Variants in DERA observed in about 807,000 individuals in gnomAD.
DERA encodes 2-deoxy-D-ribose 5-phosphate aldolase.
A neutral mutation model predicts 41.1 loss-of-function variants in DERA; 15 were observed. The ratio of observed to expected loss-of-function variants is 0.37; its 90% CI spans 0.24 to 0.56. The LOEUF is 0.56. DERA is among the 20% of genes least tolerant of loss of function. The pLI is 0.81. For synonymous variants in DERA, 139 were observed against 137.4 expected (o/e 1.01, Z -0.08); for missense variants, 396 against 403.4 (o/e 0.98, Z 0.16).
At position 15,989,915 on chromosome 12, in the gene DERA, A is replaced by C. The variant is rs57467406; in HGVS notation, c.637+7479A>C. 6.6e-6 allele frequency among the ~76,000 whole-genome samples: 1 copy of C among 152,240 alleles called. No individual in the cohort carries two copies. Among genetic ancestry groups the C allele is most frequent in the East Asian group, 1.9e-4 (1 of 5,184 alleles). ...TTTAATCTTGTTTAGAAATCTTTCA[A>C]AATGTTTTAGAGCAAGGAACACAGT... is the stretch of plus-strand genomic sequence containing the variant. On this transcript the variant is annotated intron_variant, in intron 6 of 8. Transcript: ENST00000428559. The surrounding 1 kb of genome is among the most constrained non-coding windows in gnomAD (Gnocchi z 5.2).
rs953602408 is a variant in DERA at position 16,009,224 on chromosome 12, G to C, written c.638-23318G>C. 1.3e-5 allele frequency among the ~76,000 whole-genome samples: 2 copies of C among 152,160 alleles called. No homozygotes were observed. Among genetic ancestry groups the C allele is most frequent in the African/African-American group, 4.8e-5 (2 of 41,438 alleles). ...TCAATCAGAATGAACTAGAATCTAA[G>C]ATGCTTTTGGGTGAGTAGCAGAAGA... is the stretch of plus-strand genomic sequence containing the variant. On this transcript the variant is annotated intron_variant, in intron 6 of 8. Transcript: ENST00000428559. The surrounding 1 kb of genome is among the most constrained non-coding windows in gnomAD (Gnocchi z 5.3).
In DERA at chr12:15,911,580, G is replaced by A; in HGVS notation, c.31+166G>A. On this transcript the variant is annotated intron_variant, in intron 1 of 8. Transcript: ENST00000428559. The surrounding 1 kb of genome is among the most constrained non-coding windows in gnomAD (Gnocchi z 4.5). The stretch of plus-strand genomic sequence containing the variant: ...TCAGCCCTCACCCCAAGTAAAGGCC[G>A]AACCCGGCACGTTCGCGCCGCTTGT... 1 of 747,446 alleles carries A rather than the reference G, an allele frequency of 1.3e-6. No homozygotes were observed. 46.3% of individuals were successfully genotyped at this position (747,446 alleles called of 1,614,324 possible).
rs539857605 is a variant in DERA, at chr12:15,920,821, C to T, written c.31+9407C>T. On this transcript the variant is annotated intron_variant, in intron 1 of 8. Transcript: ENST00000428559. Reference sequence around the variant, plus strand: ...CTACACTCCATCCTGGTGATACATCCGGAGCGAGACTCCGTCTCAAAAATA... The same window carrying T: ...CTACACTCCATCCTGGTGATACATCTGGAGCGAGACTCCGTCTCAAAAATA... Among the ~76,000 whole-genome samples, 27 of 152,232 alleles carry T rather than the reference C, an allele frequency of 1.8e-4. No individual in the cohort carries two copies. In the South Asian group the frequency reaches 4.8e-3, roughly 27 times the overall value.
chr12:15,929,342 G>A (rs11056724), intron 1 of DERA, among the ~76,000 whole-genome samples: 9 of 152,234 alleles, frequency 5.9e-5, no homozygotes, highest in East Asian at 1.9e-4. Flanking sequence ...AGCAGGTGCC[G>A]TGGGAAGCAG....
At chr12:16,025,701 A>G (rs1286868916) in intron 6 of DERA, among the ~76,000 whole-genome samples, 2 of 152,156 alleles carry the variant, frequency 1.3e-5, no homozygotes, top group Non-Finnish European at 2.9e-5. Flanking sequence ...GTCATTCAAT[A>G]TGATCAAATT....
At chr12:16,015,767 A>T (rs1461142055) in intron 6 of DERA, among the ~76,000 whole-genome samples, 1 of 152,232 alleles carries the variant, frequency 6.6e-6, no homozygotes, top group Non-Finnish European at 1.5e-5. Flanking sequence ...TCCAGAGAAG[A>T]TGAGGAACAA....
rs1948874320 is a variant in DERA at position 16,001,438 on chromosome 12, A to G, written c.637+19002A>G. Among the ~76,000 whole-genome samples, 1 of 152,168 alleles carries G rather than the reference A, an allele frequency of 6.6e-6. No individual in the cohort carries two copies. The highest frequency in any genetic ancestry group is 2.4e-5 in the African/African-American group (1 of 41,432). On this transcript the variant is annotated intron_variant, in intron 6 of 8. Transcript: ENST00000428559. This position sits in a 1 kb window ranked among gnomAD's most constrained non-coding sequence, Gnocchi z 4.1. ...AAAAGTTCAGTGTTTTATTCGAGAC[A>G]ATTGACTCAGAGAAAAGAACAACTC...
At position 15,924,502 on chromosome 12, in the gene DERA, G is replaced by A. The variant is rs1948268043; in HGVS notation, c.31+13088G>A. Among the ~76,000 whole-genome samples the A allele has an allele frequency of 6.6e-6, 1 of 152,190 alleles. No homozygotes were observed. Among genetic ancestry groups the A allele is most frequent in the South Asian group, 2.1e-4 (1 of 4,832 alleles). ...TATTCTAGAAATAACTTGGGTTTTT[G>A]AATTATAGAGATCTGTGTTTCCATC... On this transcript the variant is annotated intron_variant, in intron 1 of 8. Transcript: ENST00000428559. The surrounding 1 kb of genome is among the most constrained non-coding windows in gnomAD (Gnocchi z 5.0).
rs1304943801 is a variant in DERA at position 15,984,356 on chromosome 12, C to T, written c.637+1920C>T. ...TCCCACCCTCCACCCATCCTGTCCA[C>T]AGAAAAAAATGTGATTATAAACATG... On this transcript the variant is annotated intron_variant, in intron 6 of 8. Transcript: ENST00000428559. This position sits in a 1 kb window ranked among gnomAD's most constrained non-coding sequence, Gnocchi z 4.5. 6.6e-6 allele frequency among the ~76,000 whole-genome samples: 1 copy of T among 152,090 alleles called. No individual in the cohort carries two copies. Among genetic ancestry groups the T allele is most frequent in the Non-Finnish European group, 1.5e-5 (1 of 68,016 alleles).
In DERA at chr12:16,036,080, A is replaced by T. The variant is rs145933440; in HGVS notation, c.751-152A>T. On this transcript the variant is annotated intron_variant, in intron 7 of 8. Coordinates refer to ENST00000428559, the MANE Select transcript of DERA (RefSeq NM_015954.4). The surrounding 1 kb of genome is among the most constrained non-coding windows in gnomAD (Gnocchi z 4.9). ...TTTGTAGTGTGAATGAGCATGAGTC[A>T]CTGATCTAAGCCCTTTCACTGGATG... Among the ~76,000 whole-genome samples, 4 of 152,326 alleles carry T rather than the reference A, an allele frequency of 2.6e-5. No homozygotes were observed. The East Asian group carries it at 7.7e-4, about 29-fold the overall frequency.
Position 16,032,653 on chromosome 12 carries a change from A to T in DERA, c.749A>T (p.Lys250Met), listed in dbSNP as rs1201683482. 5 of 1,531,048 alleles carry T rather than the reference A, an allele frequency of 3.3e-6. No individual in the cohort carries two copies. Among genetic ancestry groups the T allele is most frequent in the Non-Finnish European group, 4.4e-6 (5 of 1,125,952 alleles). 94.8% of individuals were successfully genotyped at this position (1,531,048 alleles called of 1,614,324 possible). The change falls in exon 7 of 9, where the codon AAG (lysine) becomes ATG (methionine). Residue 250 changes from lysine to methionine, a missense_variant and splice_region_variant. Physicochemically the swap from Lys to Met is moderately conservative, Grantham distance 95 (BLOSUM62 -1). Transcript: ENST00000428559. The part of the protein sequence containing the change: ...IRDFFWKTGN[K>M]IGFKPAGGIR... Reference sequence around the variant, plus strand: ...GATTTCTTCTGGAAAACTGGAAACAAGGTATATTATTGCCAGCAAATCTTT... The same window carrying T: ...GATTTCTTCTGGAAAACTGGAAACATGGTATATTATTGCCAGCAAATCTTT...
rs1349064706 is a variant in DERA at position 15,972,882 on chromosome 12, T to C, written c.509-9426T>C. ...AAATGCTATCGATGCAAGTTCCTGC[T>C]GGCGTGCGGGGACAGCATTGCAGAA... On this transcript the variant is annotated intron_variant, in intron 5 of 8. Coordinates refer to ENST00000428559, the MANE Select transcript of DERA (RefSeq NM_015954.4). The surrounding 1 kb of genome is among the most constrained non-coding windows in gnomAD (Gnocchi z 4.4). 2.0e-5 allele frequency among the ~76,000 whole-genome samples: 3 copies of C among 152,216 alleles called. No individual in the cohort carries two copies. The highest frequency in any genetic ancestry group is 2.0e-4 in the Admixed American group (3 of 15,286).
Position 15,952,255 on chromosome 12 carries a change from A to G in DERA, c.32-4681A>G, listed in dbSNP as rs138292096. Among the ~76,000 whole-genome samples, 545 of 152,258 alleles carry G rather than the reference A, an allele frequency of 3.6e-3. 3 individuals are homozygous for G. Among genetic ancestry groups the G allele is most frequent in the African/African-American group, 0.012 (519 of 41,528 alleles). ...ATTCTGTTTTTTGGATTTGCTATAT[A>G]TTATTGAACTGGACATGGATCTTGG... On this transcript the variant is annotated intron_variant, in intron 1 of 8. Coordinates refer to ENST00000428559, the MANE Select transcript of DERA (RefSeq NM_015954.4).
chr12:16,027,254 A>G (rs938362341), intron 6 of DERA, among the ~76,000 whole-genome samples: 5 of 152,238 alleles, frequency 3.3e-5, no homozygotes, highest in Admixed American at 6.5e-5. Flanking sequence ...ATTCTCTCTT[A>G]CCACTGCTAT....
Position 16,009,718 on chromosome 12 carries a change from G to T in DERA, c.638-22824G>T, listed in dbSNP as rs189268926. Among the ~76,000 whole-genome samples, 40 of 152,096 alleles carry T rather than the reference G, an allele frequency of 2.6e-4. No homozygotes were observed. The highest frequency in any genetic ancestry group is 9.2e-4 in the African/African-American group (38 of 41,486). ...GATTTTGACATTTAATAACCTTCCTGAAATACATGGGAGAAATTATATCTA... is the reference window on the plus strand; with the variant it reads ...GATTTTGACATTTAATAACCTTCCTTAAATACATGGGAGAAATTATATCTA... On this transcript the variant is annotated intron_variant, in intron 6 of 8. Coordinates refer to ENST00000428559, the MANE Select transcript of DERA (RefSeq NM_015954.4). This position sits in a 1 kb window ranked among gnomAD's most constrained non-coding sequence, Gnocchi z 5.3.
intron 3 of DERA, 22 bp downstream of exon 3, chr12:15,958,357 T>G: frequency 6.3e-7 from 1 of 1,580,516 alleles, no homozygotes; most frequent in Non-Finnish European, 8.6e-7. Flanking sequence ...GTGTGTGATC[T>G]ATGTGGTGTT....
chr12:15,996,568 G>C lies in DERA; in HGVS notation c.637+14132G>C, dbSNP rs963093630. 2.0e-5 allele frequency among the ~76,000 whole-genome samples: 3 copies of C among 152,028 alleles called. No homozygotes were observed. The highest frequency in any genetic ancestry group is 6.5e-5 in the Admixed American group (1 of 15,268). ...CTTATAAGGAAACCAGTAATGTAAT[G>C]GCCCACCTTACTCAGTATGACCTTA... On this transcript the variant is annotated intron_variant, in intron 6 of 8. Transcript: ENST00000428559. This position sits in a 1 kb window ranked among gnomAD's most constrained non-coding sequence, Gnocchi z 4.7.
At position 16,001,506 on chromosome 12, in the gene DERA, G is replaced by C. The variant is rs1948874857; in HGVS notation, c.637+19070G>C. On this transcript the variant is annotated intron_variant, in intron 6 of 8. Coordinates refer to ENST00000428559, the MANE Select transcript of DERA (RefSeq NM_015954.4). The surrounding 1 kb of genome is among the most constrained non-coding windows in gnomAD (Gnocchi z 4.1). ...AGATTCGTGCTCAGTAACAAAGAGA[G>C]AGTAATACAGACTTGTGGAGTCATG... Among the ~76,000 whole-genome samples, 1 of 152,176 alleles carries C rather than the reference G, an allele frequency of 6.6e-6. No individual in the cohort carries two copies. The highest frequency in any genetic ancestry group is 6.5e-5 in the Admixed American group (1 of 15,276).
intron 6 of DERA, among the ~76,000 whole-genome samples, chr12:16,029,786 C>A (rs1266282416): frequency 6.6e-6 from 1 of 152,030 alleles, no homozygotes; most frequent in Non-Finnish European, 1.5e-5. Context: ...TTTGCTCTCC[C>A]AAATATATTA....
Sources: gnomAD v4.1 joint callset for allele counts (sites outside exome capture counted in the v4.1 genomes callset) on GRCh38, gnomAD v4.1.1 for gene constraint, Gnocchi (gnomAD v3.1) non-coding constraint, MANE v1.5 for transcripts, NCBI Gene and HGNC (gene_info 2026-07-23, HGNC 2026-07-21) for gene names.